Variants in GRIK4 observed in about 807,000 individuals in gnomAD.
The protein encoded by GRIK4 is glutamate receptor ionotropic, kainate 4.
GRIK4 carries 40 observed loss-of-function variants against 104.9 expected under a neutral mutation model. The ratio of observed to expected loss-of-function variants is 0.38; its 90% confidence interval spans 0.30 to 0.50. The LOEUF (loss-of-function observed/expected upper bound fraction) is 0.50. Among genes scored for constraint, GRIK4 ranks in the 20% least tolerant of loss-of-function variants. GRIK4 has a pLI of 0.93. For synonymous variants in GRIK4, 485 were observed against 524.9 expected (o/e 0.92, Z 1.04); for missense variants, 1,047 against 1,308.1 (o/e 0.80, Z 3.08).
chr11:120,794,835 C>G (rs541917235), intron 3 of GRIK4, among the ~76,000 whole-genome samples: 4 of 152,130 alleles, frequency 2.6e-5, no homozygotes, highest in Non-Finnish European at 5.9e-5. Flanking sequence ...AGCGGCCCAG[C>G]CTGGTGCCCC....
intron 3 of GRIK4, among the ~76,000 whole-genome samples, chr11:120,757,857 A>G (rs1443963690): frequency 6.6e-6 from 1 of 152,148 alleles, no homozygotes; most frequent in African/African-American, 2.4e-5. Flanking sequence ...TTGGGAAAAC[A>G]TGAAGGGAAC....
At chr11:120,550,651 C>A (rs1948131036) in intron 1 of GRIK4, among the ~76,000 whole-genome samples, 1 of 151,908 alleles carries the variant, frequency 6.6e-6, no homozygotes, top group Non-Finnish European at 1.5e-5. Context: ...AGGAGGCAAG[C>A]CAGGGTGGAT....
At chr11:120,512,869 T>C (rs1476899976) in intron 1 of GRIK4, among the ~76,000 whole-genome samples, 1 of 150,946 alleles carries the variant, frequency 6.6e-6, no homozygotes, top group Non-Finnish European at 1.5e-5. Flanking sequence ...CTTGGGGTGG[T>C]GGAGGAGGCG....
chr11:120,691,108 T>C (rs572992631), intron 3 of GRIK4, among the ~76,000 whole-genome samples: 2 of 152,342 alleles, frequency 1.3e-5, no homozygotes, highest in Admixed American at 6.5e-5. Context: ...GGACCCCTGT[T>C]CTGGGGAGTG....
At position 120,956,225 on chromosome 11, in the gene GRIK4, G is replaced by A. The variant is rs1783865; in HGVS notation, c.1701-555G>A. Among the ~76,000 whole-genome samples the A allele has an allele frequency of 0.61, 91,879 of 149,570 alleles. 29,893 individuals are homozygous for A. Among genetic ancestry groups the A allele is most frequent in the East Asian group, 0.99 (5,038 of 5,112 alleles). ...AATCTTTTTTTTTTTTTTTGAGACA[G>A]GGTCTCACTCTGTTTGTCCAGGCTG... On this transcript the variant is annotated intron_variant, in intron 15 of 20. Transcript: ENST00000527524. The surrounding 1 kb of genome is among the most constrained non-coding windows in gnomAD (Gnocchi z 4.6).
At chr11:120,812,388 G>A (rs531756613) in intron 4 of GRIK4, among the ~76,000 whole-genome samples, 12 of 152,218 alleles carry the variant, frequency 7.9e-5, no homozygotes, top group African/African-American at 2.9e-4. Flanking sequence ...AAACTTTCTA[G>A]GCCTCAGCTT....
intron 3 of GRIK4, among the ~76,000 whole-genome samples, chr11:120,665,429 G>T (rs1011733456): frequency 1.3e-5 from 2 of 152,176 alleles, no homozygotes; most frequent in Admixed American, 6.5e-5. Context: ...TGTCACCTAG[G>T]GGGGGAATAT....
At chr11:120,596,534 G>A (rs1948803367) in intron 1 of GRIK4, among the ~76,000 whole-genome samples, 1 of 152,168 alleles carries the variant, frequency 6.6e-6, no homozygotes, top group Non-Finnish European at 1.5e-5. Context: ...ATGGATGTCT[G>A]TGTCTAGGTG....
chr11:120,596,060 T>A (rs1374983842), intron 1 of GRIK4, among the ~76,000 whole-genome samples: 2 of 152,198 alleles, frequency 1.3e-5, no homozygotes, highest in African/African-American at 4.8e-5. Context: ...TTGGCCAGGC[T>A]GATCTCGAAC....
intron 3 of GRIK4, among the ~76,000 whole-genome samples, chr11:120,794,417 T>C (rs1326582298): frequency 1.3e-5 from 2 of 152,120 alleles, no homozygotes; most frequent in South Asian, 2.1e-4. Context: ...GGCTACGTTG[T>C]CTCCTCTCCA....
Position 120,819,989 on chromosome 11 carries a change from C to T in GRIK4, c.511+69C>T, listed in dbSNP as rs1199235317. ...GTTGATTTTGCCCTGATTCCCTGTGCCCCTGGCTGGAGACCCTCCAGGAAG... is the reference window on the plus strand; with the variant it reads ...GTTGATTTTGCCCTGATTCCCTGTGTCCCTGGCTGGAGACCCTCCAGGAAG... On this transcript the variant is annotated intron_variant, in intron 6 of 20. Coordinates refer to ENST00000527524, the MANE Select transcript of GRIK4 (RefSeq NM_014619.5). This position sits in a 1 kb window ranked among gnomAD's most constrained non-coding sequence, Gnocchi z 4.3. The T allele has an allele frequency of 3.3e-6, 5 of 1,494,464 alleles. No individual in the cohort carries two copies. The highest frequency in any genetic ancestry group is 2.3e-5 in the East Asian group (1 of 43,950). The allele number at this position is 1,494,464 out of a possible 1,614,324, so 92.6% of individuals were successfully genotyped here. A position where few individuals can be genotyped will look rare whatever the true frequency, so the allele number is the denominator to read the frequency against.
At chr11:120,968,418 C>T (rs1310049673) in intron 19 of GRIK4, among the ~76,000 whole-genome samples, 1 of 152,168 alleles carries the variant, frequency 6.6e-6, no homozygotes, top group Non-Finnish European at 1.5e-5. Flanking sequence ...ATTTACCTGT[C>T]CACGCTCTGC....
chr11:120,635,978 A>T (rs2135190980), intron 1 of GRIK4, among the ~76,000 whole-genome samples: 1 of 152,318 alleles, frequency 6.6e-6, no homozygotes, highest in East Asian at 1.9e-4. Context: ...ACTTCCATAG[A>T]TAACGTTTTG....
rs769326345 is a variant in GRIK4, at chr11:120,962,481, G to A, written c.2066G>A (p.Arg689His). Residue 689 changes from arginine (R) to histidine (H), a missense_variant, in exon 18 of 21, where the codon CGC becomes CAC. Physicochemically the swap from Arg to His is conservative, Grantham distance 29. This residue lies in a region of GRIK4 where 440 missense variants were observed against 652.3 expected (regional missense o/e 0.67). Transcript: ENST00000527524. ...FQNSRYQTYQ[R>H]MWNYMYSKQP... Reference sequence around the variant, plus strand: ...AATTCCCGCTACCAGACCTACCAACGCATGTGGAATTACATGTATTCCAAG... The same window carrying A: ...AATTCCCGCTACCAGACCTACCAACACATGTGGAATTACATGTATTCCAAG... The A allele has an allele frequency of 5.0e-6, 8 of 1,613,052 alleles. No homozygotes were observed. The highest frequency in any genetic ancestry group is 1.7e-5 in the Admixed American group (1 of 59,968).
intron 1 of GRIK4, among the ~76,000 whole-genome samples, chr11:120,619,152 G>A (rs778552975): frequency 1.3e-5 from 2 of 152,238 alleles, no homozygotes; most frequent in South Asian, 2.1e-4. Context: ...CCTTGCACTA[G>A]TATGCCCTGG....
At chr11:120,755,335 G>A (rs918937828) in intron 3 of GRIK4, among the ~76,000 whole-genome samples, 42 of 152,098 alleles carry the variant, frequency 2.8e-4, no homozygotes, top group Admixed American at 2.2e-3. Flanking sequence ...GCATTTACTC[G>A]GTGGCTCACA....
At chr11:120,770,748 A>T (rs1951925686) in intron 3 of GRIK4, among the ~76,000 whole-genome samples, 1 of 152,136 alleles carries the variant, frequency 6.6e-6, no homozygotes, top group Non-Finnish European at 1.5e-5. Context: ...GGACTTTGGG[A>T]CATGATTAGG....
chr11:120,907,157 C>T (rs1337805018), intron 13 of GRIK4, among the ~76,000 whole-genome samples: 1 of 152,206 alleles, frequency 6.6e-6, no homozygotes, highest in Non-Finnish European at 1.5e-5. Context: ...TTGGTTTCCA[C>T]TGTGAAGGTG....
At chr11:120,883,882 A>G (rs1364007511) in intron 11 of GRIK4, among the ~76,000 whole-genome samples, 3 of 152,190 alleles carry the variant, frequency 2.0e-5, no homozygotes, top group Non-Finnish European at 2.9e-5. Flanking sequence ...CAGCCAGCTC[A>G]TGCCTGGAAG....
Sources: allele counts gnomAD v4.1 joint callset (sites outside exome capture counted in the v4.1 genomes callset), GRCh38; gene constraint gnomAD v4.1.1; regional missense constraint gnomAD v4.1.1; non-coding constraint Gnocchi (gnomAD v3.1); transcripts MANE v1.5; gene names NCBI Gene and HGNC (gene_info 2026-07-23, HGNC 2026-07-21).